Variants in CACNB4 observed in about 807,000 individuals in gnomAD.
CACNB4 encodes the protein calcium voltage-gated channel auxiliary subunit beta 4.
In CACNB4, 32 loss-of-function variants were observed where a neutral mutation model predicts 71.2. That is an observed-to-expected ratio of 0.45 (90% CI 0.34 to 0.60). The LOEUF (loss-of-function observed/expected upper bound fraction) is 0.60, where lower values mean the gene tolerates loss of function less well. Among genes scored for constraint, CACNB4 ranks in the 20% least tolerant of loss-of-function variants. The probability of loss-of-function intolerance (pLI) is 0.01; values close to 1 mark genes in which losing one functional copy is unlikely to be tolerated. For missense variants in CACNB4, 464 were observed against 647.9 expected (o/e 0.72, Z 3.08); for synonymous variants, 231 against 236.9 (o/e 0.97, Z 0.23).
At chr2:151,983,675 T>TCTCACACACACACACACA (rs35313966) in intron 2 of CACNB4, among the ~76,000 whole-genome samples, 40 of 141,534 alleles carry the variant, frequency 2.8e-4, no homozygotes, top group East Asian at 2.7e-3. Context: ...TAAACTTTGG[T>TCTCACACACACACACACA]CACACACACA....
intron 2 of CACNB4, among the ~76,000 whole-genome samples, chr2:151,919,691 T>C (rs1194309868): frequency 6.6e-6 from 1 of 152,132 alleles, no homozygotes; most frequent in Non-Finnish European, 1.5e-5. Flanking sequence ...CCTCTCCTTT[T>C]TTGCCTCCCT....
intron 2 of CACNB4, chr2:151,973,913 T>G: frequency 7.2e-7 from 1 of 1,391,448 alleles, no homozygotes; most frequent in Non-Finnish European, 9.3e-7. Context: ...AGACCTGGCA[T>G]TTTATCTGCC....
At chr2:151,947,677 T>C (rs1364718835) in intron 2 of CACNB4, among the ~76,000 whole-genome samples, 2 of 152,198 alleles carry the variant, frequency 1.3e-5, no homozygotes. Context: ...CGTCCGGGTC[T>C]GGCAGCAAGG....
chr2:152,072,132 A>G (rs1195387155), intron 2 of CACNB4, among the ~76,000 whole-genome samples: 3 of 152,262 alleles, frequency 2.0e-5, no homozygotes, highest in Admixed American at 2.0e-4. Flanking sequence ...GTTTAGAGAT[A>G]AGAACAAGGA....
At chr2:152,033,630 C>T (rs1028184424) in intron 2 of CACNB4, among the ~76,000 whole-genome samples, 2 of 152,040 alleles carry the variant, frequency 1.3e-5, no homozygotes, top group Non-Finnish European at 2.9e-5. Flanking sequence ...CCTGCACAGA[C>T]GGTATAGTCT....
chr2:151,883,276 G>A lies in CACNB4; in HGVS notation c.242C>T (p.Ala81Val). The A allele has an allele frequency of 6.2e-7, 1 of 1,613,960 alleles. No individual in the cohort carries two copies. Among genetic ancestry groups the A allele is most frequent in the East Asian group, 2.2e-5 (1 of 44,882 alleles). ...EAIRQEREQQ[A>V]AIQLERAKSK... Reference sequence around the variant, plus strand: ...CTTTGCTCTCTCAAGCTGGATAGCTGCTTGCTGTTCTCTCTCCTGTCGAAT... The same window carrying A: ...CTTTGCTCTCTCAAGCTGGATAGCTACTTGCTGTTCTCTCTCCTGTCGAAT... Residue 81 changes from alanine to valine, a missense_variant, in exon 3 of 14, where the codon GCA becomes GTA. Coordinates refer to ENST00000539935, the MANE Select transcript of CACNB4 (RefSeq NM_000726.5).
At chr2:151,972,567 G>C (rs2099872861) in intron 2 of CACNB4, 1 of 152,238 alleles carries the variant, frequency 6.6e-6, no homozygotes, top group Non-Finnish European at 1.5e-5. Context: ...AACAGAGTTA[G>C]AGTTAGAGAA....
At chr2:151,840,740 G>A (rs912793791) in intron 13 of CACNB4, among the ~76,000 whole-genome samples, 19 of 152,136 alleles carry the variant, frequency 1.2e-4, no homozygotes, top group African/African-American at 4.6e-4. Context: ...GCATTTCAGA[G>A]AGTGCCATTT....
chr2:152,005,203 C>A (rs886850726), intron 2 of CACNB4, among the ~76,000 whole-genome samples: 4 of 152,114 alleles, frequency 2.6e-5, no homozygotes, highest in African/African-American at 9.7e-5. Context: ...ATCTTTCTGC[C>A]ATAAAGACAC....
At chr2:151,883,708 T>C (rs947620049) in intron 2 of CACNB4, 1 of 338,116 alleles carries the variant, frequency 3.0e-6, no homozygotes, top group Admixed American at 4.5e-5. Context: ...ATCTTCTCTT[T>C]TGCATATACA....
chr2:151,974,660 T>C (rs1249135239), intron 2 of CACNB4, among the ~76,000 whole-genome samples: 1 of 152,216 alleles, frequency 6.6e-6, no homozygotes, highest in East Asian at 1.9e-4. Flanking sequence ...TTAATAATCC[T>C]GAAGTGGCAT....
chr2:152,033,534 C>A (rs966666112), intron 2 of CACNB4, among the ~76,000 whole-genome samples: 1 of 152,132 alleles, frequency 6.6e-6, no homozygotes, highest in African/African-American at 2.4e-5. Flanking sequence ...CCATTTAAGG[C>A]GAGAGGCAGA....
At chr2:151,888,228 T>C (rs2099849852) in intron 2 of CACNB4, among the ~76,000 whole-genome samples, 1 of 152,118 alleles carries the variant, frequency 6.6e-6, no homozygotes, top group Non-Finnish European at 1.5e-5. Flanking sequence ...ATCGTAAAAT[T>C]ACAGCAAGGA....
chr2:152,016,509 T>C (rs1683351976), intron 2 of CACNB4, among the ~76,000 whole-genome samples: 1 of 152,230 alleles, frequency 6.6e-6, no homozygotes, highest in South Asian at 2.1e-4. Flanking sequence ...AATCCTTTGA[T>C]GAGTCTCATC....
At chr2:151,875,978 TC>T (rs1266523475) in intron 5 of CACNB4, among the ~76,000 whole-genome samples, 1 of 70,214 alleles carries the variant, frequency 1.4e-5, no homozygotes, top group African/African-American at 4.9e-5. Context: ...GGGGGCTGAC[TC>T]CCCCACCTCC....
In CACNB4 at chr2:151,833,985, G is replaced by A. The variant is rs927951312; in HGVS notation, c.*5134C>T. On this transcript the variant is annotated 3_prime_UTR_variant, in exon 14 of 14. Coordinates refer to ENST00000539935, the MANE Select transcript of CACNB4 (RefSeq NM_000726.5). ...GAAAAATAGTATGCAACGATATAGC[G>A]TTAATGATCCCGCCTCTTTATTACA... 4 of 152,020 alleles carry A rather than the reference G, an allele frequency of 2.6e-5. No homozygotes were observed. The highest frequency in any genetic ancestry group is 9.7e-5 in the African/African-American group (4 of 41,430). The allele number at this position is 152,020 out of a possible 1,614,324, so 9.4% of individuals were successfully genotyped here.
intron 2 of CACNB4, among the ~76,000 whole-genome samples, chr2:151,915,327 C>A (rs536335852): frequency 6.6e-6 from 1 of 152,284 alleles, no homozygotes; most frequent in South Asian, 2.1e-4. Flanking sequence ...CTCCCTGGCT[C>A]CAGCAGGGAA....
At chr2:151,937,680 A>G (rs1226227504) in intron 2 of CACNB4, among the ~76,000 whole-genome samples, 1 of 152,196 alleles carries the variant, frequency 6.6e-6, no homozygotes, top group African/African-American at 2.4e-5. Context: ...TAGACAGTGG[A>G]TAAGTGGTGA....
At chr2:151,927,339 A>C (rs2099860506) in intron 2 of CACNB4, among the ~76,000 whole-genome samples, 1 of 152,170 alleles carries the variant, frequency 6.6e-6, no homozygotes, top group Admixed American at 6.5e-5. Flanking sequence ...ACACAAGGGG[A>C]GAGGCTGGGC....
Sources: gnomAD v4.1 joint callset for allele counts (sites outside exome capture counted in the v4.1 genomes callset) on GRCh38, gnomAD v4.1.1 for gene constraint, MANE v1.5 for transcripts, NCBI Gene and HGNC (gene_info 2026-07-23, HGNC 2026-07-21) for gene names.